CRPPA: variants seen among roughly 807,000 people sequenced by gnomAD.
The protein encoded by CRPPA is D-ribitol-5-phosphate cytidylyltransferase.
CRPPA carries 43 observed loss-of-function variants against 52.0 expected under a neutral mutation model. That is an observed-to-expected ratio of 0.83 (90% CI 0.65 to 1.07). The LOEUF (loss-of-function observed/expected upper bound fraction) is 1.07. Among genes scored for constraint, CRPPA ranks in the 50% least tolerant of loss-of-function variants. The pLI, the probability that CRPPA is intolerant of heterozygous loss-of-function variation, is 0.00. For missense variants in CRPPA, 629 were observed against 551.7 expected (o/e 1.14, Z -1.40); for synonymous variants, 250 against 203.5 (o/e 1.23, Z -1.94).
intron 9 of CRPPA, among the ~76,000 whole-genome samples, chr7:16,182,264 A>G (rs1665404769): frequency 6.6e-6 from 1 of 151,892 alleles, no homozygotes; most frequent in Admixed American, 6.6e-5. Flanking sequence ...TAATAGTAAT[A>G]ATTTTACTAA....
At chr7:16,253,824 T>C (rs986224194) in intron 8 of CRPPA, among the ~76,000 whole-genome samples, 1 of 152,064 alleles carries the variant, frequency 6.6e-6, no homozygotes, top group African/African-American at 2.4e-5. Context: ...GAGAAAATTT[T>C]TGCAATCTAC....
At chr7:16,154,589 G>A (rs1486921938) in intron 9 of CRPPA, among the ~76,000 whole-genome samples, 1 of 152,126 alleles carries the variant, frequency 6.6e-6, no homozygotes, top group African/African-American at 2.4e-5. Context: ...CCAAGTATTA[G>A]TTATAAAAGT....
chr7:16,381,399 C>G (rs1244121770), intron 2 of CRPPA, among the ~76,000 whole-genome samples: 1 of 151,778 alleles, frequency 6.6e-6, no homozygotes, highest in Non-Finnish European at 1.5e-5. Flanking sequence ...CTGAGGAGAG[C>G]TTTACTTCCA....
At chr7:16,339,705 T>C (rs1249265563) in intron 3 of CRPPA, among the ~76,000 whole-genome samples, 1 of 152,130 alleles carries the variant, frequency 6.6e-6, no homozygotes, top group African/African-American at 2.4e-5. Context: ...TGAAATAAGA[T>C]AAGAAAAAGA....
intron 5 of CRPPA, among the ~76,000 whole-genome samples, chr7:16,295,151 T>C (rs1048901155): frequency 6.6e-6 from 1 of 152,110 alleles, no homozygotes; most frequent in Non-Finnish European, 1.5e-5. Context: ...TAACTGCTCT[T>C]CTATCGGTAT....
intron 7 of CRPPA, among the ~76,000 whole-genome samples, 167 bp downstream of exon 7, chr7:16,258,753 T>C (rs771861480): frequency 1.3e-5 from 2 of 152,076 alleles, no homozygotes; most frequent in African/African-American, 2.4e-5. Flanking sequence ...CTTCTCATTA[T>C]GGGAATTAGC....
chr7:16,192,395 A>G (rs1416484265), intron 9 of CRPPA, among the ~76,000 whole-genome samples: 8 of 152,096 alleles, frequency 5.3e-5, no homozygotes. Context: ...AACATGCACA[A>G]TCTGATGTGA....
chr7:16,389,911 T>TCCAAAAAAAAAAAAAAAAAA (rs1562673584), intron 2 of CRPPA, among the ~76,000 whole-genome samples: 1 of 3,150 alleles, frequency 3.2e-4, no homozygotes, highest in African/African-American at 2.5e-3. Flanking sequence ...AAGCCTAGTA[T>TCCAAAAAAAAAAAAAAAAAA]ACAAAAAAAA....
intron 8 of CRPPA, chr7:16,237,517 A>G (rs1205196324): frequency 1.3e-5 from 2 of 152,148 alleles, no homozygotes; most frequent in Non-Finnish European, 2.9e-5. Context: ...TCCTAATACC[A>G]TCATTATGGG....
At chr7:16,124,197 C>T (rs1393936093) in intron 9 of CRPPA, among the ~76,000 whole-genome samples, 1 of 150,888 alleles carries the variant, frequency 6.6e-6, no homozygotes, top group African/African-American at 2.4e-5. Flanking sequence ...GTACGAGTTC[C>T]ATTTTCTCTG....
At chr7:16,262,819 C>G (rs1403239898) in intron 6 of CRPPA, among the ~76,000 whole-genome samples, 1 of 152,132 alleles carries the variant, frequency 6.6e-6, no homozygotes, top group African/African-American at 2.4e-5. Flanking sequence ...GATCCACGGG[C>G]AGGGTTTAGA....
chr7:16,157,369 T>C (rs1273515021), intron 9 of CRPPA, among the ~76,000 whole-genome samples: 1 of 152,116 alleles, frequency 6.6e-6, no homozygotes, highest in Non-Finnish European at 1.5e-5. Context: ...CAAGTCCGTA[T>C]TGATTAGGAT....
chr7:16,101,589 T>C (rs1782046319), intron 9 of CRPPA, among the ~76,000 whole-genome samples: 1 of 151,984 alleles, frequency 6.6e-6, no homozygotes, highest in Admixed American at 6.6e-5. Context: ...TGTTAATCTT[T>C]TAAAAAAAAA....
intron 9 of CRPPA, among the ~76,000 whole-genome samples, chr7:16,192,398 T>A (rs1354660689): frequency 6.6e-6 from 1 of 152,156 alleles, no homozygotes; most frequent in Non-Finnish European, 1.5e-5. Flanking sequence ...ATGCACAATC[T>A]GATGTGATTT....
At chr7:16,249,598 T>C (rs1783384378) in intron 8 of CRPPA, among the ~76,000 whole-genome samples, 2 of 152,156 alleles carry the variant, frequency 1.3e-5, no homozygotes, top group African/African-American at 4.8e-5. Context: ...AGGTCTGAAG[T>C]GGACTTCCAG....
chr7:16,232,022 T>C (rs1172855702), intron 8 of CRPPA, among the ~76,000 whole-genome samples: 1 of 152,058 alleles, frequency 6.6e-6, no homozygotes, highest in Non-Finnish European at 1.5e-5. Context: ...GAGTCACAGG[T>C]AGAGTACCAG....
At chr7:16,318,347 A>T (rs1413801188) in intron 3 of CRPPA, among the ~76,000 whole-genome samples, 1 of 152,138 alleles carries the variant, frequency 6.6e-6, no homozygotes, top group East Asian at 1.9e-4. Context: ...TCAGTCACAC[A>T]TGCACATGGT....
intron 8 of CRPPA, among the ~76,000 whole-genome samples, chr7:16,246,088 T>A (rs1783265587): frequency 6.6e-6 from 1 of 152,202 alleles, no homozygotes; most frequent in Non-Finnish European, 1.5e-5. Flanking sequence ...TTTGATAGCA[T>A]TTGACCCACA....
intron 9 of CRPPA, among the ~76,000 whole-genome samples, chr7:16,140,325 T>C (rs1782844918): frequency 7.9e-6 from 1 of 126,510 alleles, no homozygotes; most frequent in Admixed American, 7.9e-5. Flanking sequence ...GCCAGGCTAA[T>C]TTTTTTTTTT....
Sources: allele counts gnomAD v4.1 joint callset (sites outside exome capture counted in the v4.1 genomes callset), GRCh38; gene constraint gnomAD v4.1.1; transcripts MANE v1.5; gene names NCBI Gene and HGNC (gene_info 2026-07-23, HGNC 2026-07-21).